RELN: variants seen among roughly 807,000 people sequenced by gnomAD.
RELN encodes the protein reelin.
A neutral mutation model predicts 427.6 loss-of-function variants in RELN; 108 were observed. That is an observed-to-expected ratio of 0.25 (90% CI 0.22 to 0.30). The LOEUF is 0.30. RELN is among the 10% of genes least tolerant of loss of function. The pLI, the probability that RELN is intolerant of heterozygous loss-of-function variation, is 1.00. For synonymous variants in RELN, 1,524 were observed against 1,513.4 expected, an observed-to-expected ratio of 1.01 and a Z score of -0.16; for missense variants, 3,715 against 4,302.8, an observed-to-expected ratio of 0.86 and a Z score of 3.82.
intron 1 of RELN, among the ~76,000 whole-genome samples, chr7:103,964,734 T>C (rs545607470): frequency 2.6e-5 from 4 of 152,320 alleles, no homozygotes; most frequent in African/African-American, 9.6e-5. Context: ...AGTTATCACT[T>C]TACAGTCCCC....
At chr7:103,748,811 T>C (rs1468769428) in intron 6 of RELN, among the ~76,000 whole-genome samples, 1 of 152,234 alleles carries the variant, frequency 6.6e-6, no homozygotes, top group African/African-American at 2.4e-5. Flanking sequence ...AATTCAGATA[T>C]TGTTCCAAAT....
At chr7:103,621,335 A>C (rs1832213751) in intron 20 of RELN, among the ~76,000 whole-genome samples, 1 of 152,336 alleles carries the variant, frequency 6.6e-6, no homozygotes, top group Admixed American at 6.5e-5. Flanking sequence ...CAATTAATGA[A>C]GTTAGCCTAA....
chr7:103,989,433 G>A lies in RELN; in HGVS notation c.-77C>T, dbSNP rs1333808445. ...CAGTTTTGGAGACGCCGGGACGGAG[G>A]AGCCACGCGGAGAGAAGGCGAGAAG... On this transcript the variant is annotated 5_prime_UTR_variant, in exon 1 of 65. Coordinates refer to ENST00000428762, the MANE Select transcript of RELN (RefSeq NM_005045.4). The surrounding 1 kb of genome is among the most constrained non-coding windows in gnomAD (Gnocchi z 4.9). 8.1e-7 allele frequency: 1 copy of A among 1,230,436 alleles called. No individual in the cohort carries two copies. The highest frequency in any genetic ancestry group is 1.1e-6 in the Non-Finnish European group (1 of 950,410). The allele number at this position is 1,230,436 out of a possible 1,614,324, so 76.2% of individuals were successfully genotyped here.
At chr7:103,783,341 C>T (rs755350869) in intron 3 of RELN, among the ~76,000 whole-genome samples, 7 of 151,754 alleles carry the variant, frequency 4.6e-5, no homozygotes, top group Non-Finnish European at 7.4e-5. Flanking sequence ...GAAAAAAACT[C>T]GCTTCAAAAC....
At chr7:103,544,220 C>CTTTTTTTTTTT (rs71154356) in intron 42 of RELN, among the ~76,000 whole-genome samples, 1 of 71,198 alleles carries the variant, frequency 1.4e-5, no homozygotes, top group African/African-American at 5.3e-5. Context: ...GAAAGAAAAT[C>CTTTTTTTTTTT]TTTTTTTTTT....
intron 3 of RELN, among the ~76,000 whole-genome samples, chr7:103,796,875 C>CAAAAA (rs1310087423): frequency 6.1e-4 from 41 of 66,760 alleles, no homozygotes; most frequent in Admixed American, 7.0e-4. Flanking sequence ...CTCCATCTCA[C>CAAAAA]AAAAAAAAAA....
At chr7:103,772,487 C>T (rs1033975347) in intron 4 of RELN, among the ~76,000 whole-genome samples, 5 of 152,262 alleles carry the variant, frequency 3.3e-5, no homozygotes, top group African/African-American at 1.2e-4. Flanking sequence ...GTGTCTGGCA[C>T]ATAACAGTGT....
intron 3 of RELN, among the ~76,000 whole-genome samples, chr7:103,818,922 T>A (rs574895102): frequency 6.0e-4 from 92 of 152,128 alleles, no homozygotes; most frequent in Admixed American, 4.6e-4. Flanking sequence ...TACTTTTTTT[T>A]AAAAAAAGCT....
chr7:103,623,625 C>T (rs1832266153), intron 20 of RELN, among the ~76,000 whole-genome samples: 1 of 152,168 alleles, frequency 6.6e-6, no homozygotes, highest in Non-Finnish European at 1.5e-5. Flanking sequence ...CAAGATTGGT[C>T]TGAAGGAATA....
In RELN at chr7:103,968,227, C is replaced by T. The variant is rs993361136; in HGVS notation, c.226+20904G>A. The stretch of plus-strand genomic sequence containing the variant: ...CAAACAAGAAAAATATATTGGGAGG[C>T]TAAACATTACTTTATGATATATTAT... On this transcript the variant is annotated intron_variant, in intron 1 of 64. Coordinates refer to ENST00000428762, the MANE Select transcript of RELN (RefSeq NM_005045.4). The surrounding 1 kb of genome is among the most constrained non-coding windows in gnomAD (Gnocchi z 4.3). 6.6e-6 allele frequency among the ~76,000 whole-genome samples: 1 copy of T among 151,716 alleles called. No homozygotes were observed. The highest frequency in any genetic ancestry group is 6.6e-5 in the Admixed American group (1 of 15,238).
chr7:103,693,072 T>C (rs1002905130), intron 10 of RELN, among the ~76,000 whole-genome samples: 1 of 151,930 alleles, frequency 6.6e-6, no homozygotes. Context: ...CTAACTACAA[T>C]AGCAAAGACT....
intron 2 of RELN, among the ~76,000 whole-genome samples, chr7:103,866,921 A>C (rs143342832): frequency 6.6e-6 from 1 of 152,222 alleles, no homozygotes; most frequent in East Asian, 1.9e-4. Context: ...TTTGTTAATT[A>C]ATTAGACAAG....
chr7:103,781,961 A>G (rs1791902070), intron 3 of RELN, among the ~76,000 whole-genome samples: 1 of 152,120 alleles, frequency 6.6e-6, no homozygotes, highest in Non-Finnish European at 1.5e-5. Flanking sequence ...AGTTCAGGAA[A>G]TATCCTCATT....
At chr7:103,710,329 C>G (rs73712212) in intron 8 of RELN, among the ~76,000 whole-genome samples, 35 of 152,204 alleles carry the variant, frequency 2.3e-4, no homozygotes, top group African/African-American at 8.0e-4. Flanking sequence ...TAAGAAGAAG[C>G]TGAGTTGGAA....
rs1462369530 is a variant in RELN at position 103,520,954 on chromosome 7, G to GTTTTTTTTTTTTTTTTTTTTTTTTTT, written c.7668+1067_7668+1068insAAAAAAAAAAAAAAAAAAAAAAAAAA. Among the ~76,000 whole-genome samples, 4 of 78,190 alleles carry GTTTTTTTTTTTTTTTTTTTTTTTTTT rather than the reference G, an allele frequency of 5.1e-5. 1 individual carries two copies. The highest frequency in any genetic ancestry group is 1.0e-4 in the African/African-American group (2 of 19,932). 51.3% of individuals were successfully genotyped at this position (78,190 alleles called of 152,430 possible). A position where few individuals can be genotyped will look rare whatever the true frequency, so the allele number is the denominator to read the frequency against. ...GAAATAAAGAGCTGGCAGTAAATTT[G>GTTTTTTTTTTTTTTTTTTTTTTTTTT]TTATTTTTTTTTTTTTTTTTTTTTT... On this transcript the variant is annotated intron_variant, in intron 48 of 64. Coordinates refer to ENST00000428762, the MANE Select transcript of RELN (RefSeq NM_005045.4).
chr7:103,705,258 T>C (rs1834175739), intron 8 of RELN, among the ~76,000 whole-genome samples: 1 of 152,190 alleles, frequency 6.6e-6, no homozygotes, highest in South Asian at 2.1e-4. Flanking sequence ...ATATCAATCT[T>C]AGTAAGTCAA....
At chr7:103,768,141 T>C (rs1791470062) in intron 4 of RELN, among the ~76,000 whole-genome samples, 1 of 152,222 alleles carries the variant, frequency 6.6e-6, no homozygotes, top group Admixed American at 6.5e-5. Context: ...AAGTAATTTT[T>C]GTTTAGTACT....
At chr7:103,590,695 T>C (rs1019961756) in intron 27 of RELN, among the ~76,000 whole-genome samples, 1 of 152,138 alleles carries the variant, frequency 6.6e-6, no homozygotes, top group African/African-American at 2.4e-5. Context: ...ACTGTTACTG[T>C]TTGGTGTACT....
At chr7:103,951,412 TG>T (rs1485343965) in intron 1 of RELN, among the ~76,000 whole-genome samples, 2 of 152,236 alleles carry the variant, frequency 1.3e-5, no homozygotes, top group African/African-American at 2.4e-5. Context: ...CTTATCATTA[TG>T]GAATGACTAC....
Sources: gnomAD v4.1 joint callset for allele counts (sites outside exome capture counted in the v4.1 genomes callset) on GRCh38, gnomAD v4.1.1 for gene constraint, Gnocchi (gnomAD v3.1) non-coding constraint, MANE v1.5 for transcripts, NCBI Gene and HGNC (gene_info 2026-07-23, HGNC 2026-07-21) for gene names.